The following OTUD7A variants were observed in gnomAD, a reference collection of about 807,000 sequenced individuals.
OTUD7A encodes the protein OTU domain-containing protein 7A.
A neutral mutation model predicts 65.7 loss-of-function variants in OTUD7A; 12 were observed. The ratio of observed to expected loss-of-function variants is 0.18; its 90% CI spans 0.12 to 0.30. The LOEUF is 0.30. OTUD7A is among the 10% of genes least tolerant of loss of function. The pLI, the probability that OTUD7A is intolerant of heterozygous loss-of-function variation, is 1.00. For missense variants in OTUD7A, 1,148 were observed against 1,304.8 expected (o/e 0.88, Z 1.85); for synonymous variants, 641 against 586.3 (o/e 1.09, Z -1.35).
intron 1 of OTUD7A, among the ~76,000 whole-genome samples, chr15:31,782,300 G>A (rs774327517): frequency 1.4e-4 from 21 of 152,164 alleles, no homozygotes; most frequent in Non-Finnish European, 2.1e-4. Flanking sequence ...AGCAAATCCC[G>A]GTCTCTAAAC....
intron 1 of OTUD7A, among the ~76,000 whole-genome samples, chr15:31,789,020 C>T (rs1200732065): frequency 6.6e-6 from 1 of 152,182 alleles, no homozygotes; most frequent in Non-Finnish European, 1.5e-5. Context: ...TGTTGTCCTA[C>T]AGCCATTACC....
At chr15:31,865,546 G>A (rs1897855810) in intron 1 of OTUD7A, among the ~76,000 whole-genome samples, 1 of 152,210 alleles carries the variant, frequency 6.6e-6, no homozygotes, top group African/African-American at 2.4e-5. Flanking sequence ...TTCATAGAAA[G>A]TTCCTAAAAT....
intron 5 of OTUD7A, among the ~76,000 whole-genome samples, chr15:31,549,297 T>C (rs565251864): frequency 6.6e-6 from 1 of 152,314 alleles, no homozygotes; most frequent in South Asian, 2.1e-4. Flanking sequence ...TGATTTAATC[T>C]CTCATTCTGG....
chr15:31,781,652 G>GCC (rs554485081), intron 1 of OTUD7A, among the ~76,000 whole-genome samples: 47 of 152,244 alleles, frequency 3.1e-4, no homozygotes, highest in African/African-American at 1.1e-3. Flanking sequence ...GGCATCCAGT[G>GCC]CCCCCTATGG....
At chr15:31,745,745 C>T (rs1894458462) in intron 1 of OTUD7A, among the ~76,000 whole-genome samples, 1 of 151,994 alleles carries the variant, frequency 6.6e-6, no homozygotes, top group Admixed American at 6.6e-5. Flanking sequence ...AGAAAATAGA[C>T]AAATCCCCAA....
chr15:31,549,701 AG>A (rs1331275410), intron 5 of OTUD7A, among the ~76,000 whole-genome samples: 1 of 152,126 alleles, frequency 6.6e-6, no homozygotes, highest in African/African-American at 2.4e-5. Context: ...GAAGAGGGAA[AG>A]GGGGAGAGAG....
chr15:31,640,025 T>G (rs1267366267), intron 3 of OTUD7A, among the ~76,000 whole-genome samples: 1 of 152,226 alleles, frequency 6.6e-6, no homozygotes, highest in African/African-American at 2.4e-5. Flanking sequence ...AAGTCCAATT[T>G]ATTAATTTTT....
chr15:31,628,742 A>AT (rs1405174170), intron 3 of OTUD7A, among the ~76,000 whole-genome samples: 2 of 152,224 alleles, frequency 1.3e-5, no homozygotes, highest in East Asian at 3.9e-4. Flanking sequence ...ATGTTCTTCC[A>AT]TTTGTTTGTA....
Position 31,476,317 on chromosome 15 carries a change from C to T in OTUD7A, c.*6977G>A, listed in dbSNP as rs938231650. On this transcript the variant is annotated 3_prime_UTR_variant, in exon 13 of 13. Coordinates refer to ENST00000307050, the MANE Select transcript of OTUD7A (RefSeq NM_001382637.1). ...CATGGTGAGTTTCCTAGTTTTGGTCCTAAGTTAGCGGAGACAAGCTGCCCC... is the reference window on the plus strand; with the variant it reads ...CATGGTGAGTTTCCTAGTTTTGGTCTTAAGTTAGCGGAGACAAGCTGCCCC... The T allele has an allele frequency of 3.3e-5, 5 of 152,296 alleles. No homozygotes were observed. Among genetic ancestry groups the T allele is most frequent in the African/African-American group, 1.2e-4 (5 of 41,454 alleles). 9.4% of individuals were successfully genotyped at this position (152,296 alleles called of 1,614,324 possible). A position where few individuals can be genotyped will look rare whatever the true frequency, so the allele number is the denominator to read the frequency against.
chr15:31,657,299 A>G (rs963527543), intron 1 of OTUD7A, among the ~76,000 whole-genome samples: 2 of 152,042 alleles, frequency 1.3e-5, no homozygotes, highest in African/African-American at 4.8e-5. Flanking sequence ...TCGTTTTAGC[A>G]AGCACATCTA....
At chr15:31,688,214 C>CA (rs71424610) in intron 1 of OTUD7A, among the ~76,000 whole-genome samples, 120,644 of 134,238 alleles carry the variant, frequency 0.9, 55,042 homozygotes, top group East Asian at 0.98. Context: ...GACTCCATCT[C>CA]AAAAAAAAAA....
At chr15:31,716,052 T>C (rs1893572756) in intron 1 of OTUD7A, among the ~76,000 whole-genome samples, 1 of 103,668 alleles carries the variant, frequency 9.6e-6, no homozygotes, top group African/African-American at 3.1e-5. Context: ...TATTAAAATG[T>C]TTATAATTTA....
At chr15:31,753,689 ATATATATATATAT>A (rs1471206085) in intron 1 of OTUD7A, among the ~76,000 whole-genome samples, 3,442 of 20,838 alleles carry the variant, frequency 0.17, 244 homozygotes, top group South Asian at 0.39. Context: ...CCTGTGAGAT[ATATATATATATAT>A]TATATATATA....
At chr15:31,808,725 G>A (rs1273175546) in intron 1 of OTUD7A, among the ~76,000 whole-genome samples, 1 of 152,224 alleles carries the variant, frequency 6.6e-6, no homozygotes, top group Non-Finnish European at 1.5e-5. Context: ...TCACATCAGT[G>A]TGAGAGTGGA....
Position 31,602,714 on chromosome 15 carries a change from C to T in OTUD7A, c.152-32517G>A, listed in dbSNP as rs1890116577. Among the ~76,000 whole-genome samples the T allele has an allele frequency of 2.0e-5, 3 of 152,302 alleles. No homozygotes were observed. The South Asian group carries it at 6.2e-4, about 32-fold the overall frequency. On this transcript the variant is annotated intron_variant, in intron 3 of 12. Coordinates refer to ENST00000307050, the MANE Select transcript of OTUD7A (RefSeq NM_001382637.1). ...GTATATTTAGAAAACCCCACCATTT[C>T]AGCCCTAAATCTCCTTAAGCTGATA...
intron 1 of OTUD7A, among the ~76,000 whole-genome samples, chr15:31,786,672 G>A (rs540191033): frequency 1.3e-5 from 2 of 152,278 alleles, no homozygotes; most frequent in South Asian, 4.1e-4. Flanking sequence ...GTGTCCCTAA[G>A]AAGGAAGCCA....
At chr15:31,839,646 A>G (rs1897137395) in intron 1 of OTUD7A, among the ~76,000 whole-genome samples, 1 of 152,158 alleles carries the variant, frequency 6.6e-6, no homozygotes, top group Non-Finnish European at 1.5e-5. Context: ...TCCATATTCC[A>G]GGGACATCCC....
At chr15:31,771,269 G>T (rs1196407287) in intron 1 of OTUD7A, among the ~76,000 whole-genome samples, 2 of 152,156 alleles carry the variant, frequency 1.3e-5, no homozygotes, top group African/African-American at 2.4e-5. Flanking sequence ...TTCTTGGTCT[G>T]GGTACCGGTT....
At position 31,481,936 on chromosome 15, in the gene OTUD7A, T is replaced by A. The variant is rs1017319986; in HGVS notation, c.*1358A>T. The stretch of plus-strand genomic sequence containing the variant: ...TAAGGCTCTCACAGGTTTTATAGTA[T>A]TCTTTGTTAGTGAGGATTTTACCCA... On this transcript the variant is annotated 3_prime_UTR_variant, in exon 13 of 13. Transcript: ENST00000307050. 1 of 152,192 alleles carries A rather than the reference T, an allele frequency of 6.6e-6. No homozygotes were observed. The highest frequency in any genetic ancestry group is 1.5e-5 in the Non-Finnish European group (1 of 68,042). 9.4% of individuals were successfully genotyped at this position (152,192 alleles called of 1,614,324 possible). A position where few individuals can be genotyped will look rare whatever the true frequency, so the allele number is the denominator to read the frequency against.
Sources: gnomAD v4.1 joint callset for allele counts (sites outside exome capture counted in the v4.1 genomes callset) on GRCh38, gnomAD v4.1.1 for gene constraint, MANE v1.5 for transcripts, NCBI Gene and HGNC (gene_info 2026-07-23, HGNC 2026-07-21) for gene names.